The following DLC1 variants were observed in gnomAD, a reference collection of about 807,000 sequenced individuals.
The protein encoded by DLC1 is DLC1 Rho GTPase activating protein.
In DLC1, 54 loss-of-function variants were observed where a neutral mutation model predicts 140.3. The observed-to-expected ratio is 0.38, with a 90% CI of 0.31 to 0.48. The LOEUF (loss-of-function observed/expected upper bound fraction) is 0.48, where lower values mean the gene tolerates loss of function less well. Ranked by LOEUF, DLC1 falls within the 20% of genes least tolerant of loss-of-function variation. DLC1 has a pLI of 0.96. For synonymous variants in DLC1, 986 were observed against 728.1 expected, an observed-to-expected ratio of 1.35 and a Z score of -5.70; for missense variants, 2,536 against 1,907.0, an observed-to-expected ratio of 1.33 and a Z score of -6.14.
chr8:13,479,653 C>A (rs980922122), intron 2 of DLC1, among the ~76,000 whole-genome samples: 1 of 151,716 alleles, frequency 6.6e-6, no homozygotes, highest in South Asian at 2.1e-4. Context: ...TAAAAACAAG[C>A]TACTGGTTGG....
At position 13,526,798 on chromosome 8, in the gene DLC1, G is replaced by A. The variant is rs527451648; in HGVS notation, c.-125-26602C>T. Among the ~76,000 whole-genome samples, 4 of 152,200 alleles carry A rather than the reference G, an allele frequency of 2.6e-5. 1 individual carries two copies. In the South Asian group the frequency reaches 8.3e-4, roughly 32 times the overall value. On this transcript the variant is annotated intron_variant, in intron 1 of 1. Coordinates refer to the DLC1 transcript ENST00000631382. ...GGGGTTGGGGGACAGGGGAGGGATA[G>A]CATTAGGAGATATACCTAATGTAAA...
chr8:13,281,287 T>C (rs1035168231), intron 5 of DLC1, among the ~76,000 whole-genome samples: 5 of 152,218 alleles, frequency 3.3e-5, no homozygotes, highest in African/African-American at 1.2e-4. Flanking sequence ...TTCTTTGTGA[T>C]AAACTCTATG....
At chr8:13,603,739 C>G (rs996089595) in intron 1 of DLC1, among the ~76,000 whole-genome samples, 1 of 151,978 alleles carries the variant, frequency 6.6e-6, no homozygotes, top group African/African-American at 2.4e-5. Flanking sequence ...AAAAAATTAG[C>G]TTATCCATTA....
rs1554464347 is a variant in DLC1, at chr8:13,185,288, T to TTG, written c.1349-69632_1349-69631insCA. Reference sequence around the variant, plus strand: ...TGCCAGTCTGTGTCTTTTCTGTTTTTTTTGTTTGTTTGTTTGTTTGTTTGT... The same window carrying TTG: ...TGCCAGTCTGTGTCTTTTCTGTTTTTTGTTTGTTTGTTTGTTTGTTTGTTTGT... On this transcript the variant is annotated intron_variant, in intron 5 of 17. Transcript: ENST00000276297. 1.7e-4 allele frequency among the ~76,000 whole-genome samples: 24 copies of TTG among 144,464 alleles called. No homozygotes were observed. In the East Asian group the frequency reaches 1.9e-3, roughly 12 times the overall value. 94.8% of individuals were successfully genotyped at this position (144,464 alleles called of 152,430 possible). A position where few individuals can be genotyped will look rare whatever the true frequency, so the allele number is the denominator to read the frequency against.
intron 2 of DLC1, among the ~76,000 whole-genome samples, chr8:13,460,030 C>G (rs966542816): frequency 5.9e-5 from 9 of 152,168 alleles, no homozygotes; most frequent in African/African-American, 1.7e-4. Flanking sequence ...CTTGCCCCCT[C>G]TGAAACTTCC....
intron 4 of DLC1, among the ~76,000 whole-genome samples, chr8:13,331,958 T>C (rs926169732): frequency 6.6e-6 from 1 of 152,198 alleles, no homozygotes; most frequent in Non-Finnish European, 1.5e-5. Flanking sequence ...CAGGGGACAA[T>C]GTATGTAACT....
rs188734138 is a variant in DLC1, at chr8:13,124,158, G to C, written c.1349-8501C>G. Among the ~76,000 whole-genome samples the C allele has an allele frequency of 5.5e-4, 83 of 152,268 alleles. 2 individuals are homozygous for C. The highest frequency in any genetic ancestry group is 4.3e-3 in the Admixed American group (66 of 15,290). On this transcript the variant is annotated intron_variant, in intron 5 of 17. Coordinates refer to ENST00000276297, the MANE Select transcript of DLC1 (RefSeq NM_182643.3). ...GCATAGTTTTTCTTCTAAGCATGAA[G>C]AACTTGTGTACAGTAGGAAGAGGAA...
At chr8:13,270,136 A>G (rs1293043934) in intron 5 of DLC1, among the ~76,000 whole-genome samples, 3 of 152,200 alleles carry the variant, frequency 2.0e-5, no homozygotes, top group Non-Finnish European at 4.4e-5. Context: ...GAAATAGAGA[A>G]CTTCCAGAGG....
chr8:13,305,411 G>T, intron 4 of DLC1, 109 bp from the exon 5 acceptor site: 2 of 1,152,130 alleles, frequency 1.7e-6, no homozygotes, highest in Non-Finnish European at 2.4e-6. Flanking sequence ...AATAGAGAAT[G>T]CCAATAGAAA....
chr8:13,345,488 T>G (rs1302986500), intron 4 of DLC1, among the ~76,000 whole-genome samples: 2 of 150,088 alleles, frequency 1.3e-5, no homozygotes, highest in Non-Finnish European at 2.9e-5. Flanking sequence ...AGGGATCTCT[T>G]GGAAGAGATA....
chr8:13,395,501 G>A (rs184819816), intron 3 of DLC1, among the ~76,000 whole-genome samples: 1 of 152,236 alleles, frequency 6.6e-6, no homozygotes, highest in East Asian at 1.9e-4. Flanking sequence ...GTTTACTGAT[G>A]TGTCCCCAGG....
At chr8:13,266,119 C>CA (rs909499198) in intron 5 of DLC1, among the ~76,000 whole-genome samples, 30 of 151,248 alleles carry the variant, frequency 2.0e-4, no homozygotes, top group Non-Finnish European at 3.8e-4. Context: ...CTTTAGCAAA[C>CA]AAAAAAAGGA....
intron 5 of DLC1, among the ~76,000 whole-genome samples, chr8:13,215,642 C>T (rs1828161149): frequency 6.6e-6 from 1 of 152,012 alleles, no homozygotes; most frequent in Admixed American, 6.6e-5. Flanking sequence ...CTAGAAAGTA[C>T]ATCCTACTAG....
Position 13,500,153 on chromosome 8 carries a change from A to G in DLC1, c.-82T>C. 2.3e-6 allele frequency: 3 copies of G among 1,277,954 alleles called. No homozygotes were observed. In the South Asian group the frequency reaches 4.5e-5, roughly 19 times the overall value. 79.2% of individuals were successfully genotyped at this position (1,277,954 alleles called of 1,614,324 possible). A position where few individuals can be genotyped will look rare whatever the true frequency, so the allele number is the denominator to read the frequency against. The stretch of plus-strand genomic sequence containing the variant: ...TGGAACTTGATGAAAGATTATTTCA[A>G]AATCACCAATCAAAGAAGCGAATGA... On this transcript the variant is annotated 5_prime_UTR_variant, in exon 2 of 18. Coordinates refer to ENST00000276297, the MANE Select transcript of DLC1 (RefSeq NM_182643.3).
rs1269871422 is a variant in DLC1 at position 13,412,889 on chromosome 8, G to A, written c.1024-11270C>T. Among the ~76,000 whole-genome samples the A allele has an allele frequency of 4.6e-3, 643 of 138,674 alleles. 3 individuals carry two copies. Among genetic ancestry groups the A allele is most frequent in the African/African-American group, 0.016 (614 of 37,266 alleles). The allele number at this position is 138,674 out of a possible 152,430, so 91.0% of individuals were successfully genotyped here. ...GGAGCTTGCAGTAAGCTGAGATCGT[G>A]CCACTGCACTCCAGTCTGGGCGACA... On this transcript the variant is annotated intron_variant, in intron 2 of 17. Coordinates refer to ENST00000276297, the MANE Select transcript of DLC1 (RefSeq NM_182643.3).
intron 5 of DLC1, among the ~76,000 whole-genome samples, chr8:13,273,937 T>C (rs542366241): frequency 1.3e-5 from 2 of 152,196 alleles, no homozygotes; most frequent in South Asian, 2.1e-4. Flanking sequence ...AATAACATTC[T>C]AGCTACTATT....
At chr8:13,354,661 C>G (rs916212118) in intron 4 of DLC1, among the ~76,000 whole-genome samples, 1 of 151,652 alleles carries the variant, frequency 6.6e-6, no homozygotes, top group Non-Finnish European at 1.5e-5. Context: ...AATTTTAAAT[C>G]GGGTCAGGTG....
chr8:13,311,771 C>A (rs976756357), intron 4 of DLC1, among the ~76,000 whole-genome samples: 10 of 152,092 alleles, frequency 6.6e-5, no homozygotes, highest in Admixed American at 6.5e-4. Flanking sequence ...TGGTGCTGCT[C>A]ACAGGTATGT....
At chr8:13,535,243 G>A (rs1262384341) in intron 1 of DLC1, among the ~76,000 whole-genome samples, 1 of 152,028 alleles carries the variant, frequency 6.6e-6, no homozygotes, top group Admixed American at 6.6e-5. Flanking sequence ...ACATCTCTGT[G>A]GGTGCGAGTG....
Sources: gnomAD v4.1 joint callset for allele counts (sites outside exome capture counted in the v4.1 genomes callset) on GRCh38, gnomAD v4.1.1 for gene constraint, MANE v1.5 for transcripts, NCBI Gene and HGNC (gene_info 2026-07-23, HGNC 2026-07-21) for gene names.